Variants in SGCZ observed in about 807,000 individuals in gnomAD.
SGCZ encodes zeta-sarcoglycan.
In SGCZ, 40 loss-of-function variants were observed where a neutral mutation model predicts 41.3. That is an observed-to-expected ratio of 0.97 (90% CI 0.75 to 1.26). SGCZ has a LOEUF of 1.26. Ranked by LOEUF, SGCZ falls within the 50% of genes most tolerant of loss-of-function variation. The pLI, the probability that SGCZ is intolerant of heterozygous loss-of-function variation, is 0.00. For missense variants in SGCZ, 552 were observed against 369.8 expected (o/e 1.49, Z -4.04); for synonymous variants, 206 against 137.5 (o/e 1.50, Z -3.49).
intron 1 of SGCZ, among the ~76,000 whole-genome samples, chr8:15,117,868 A>C (rs951302935): frequency 6.6e-6 from 1 of 152,170 alleles, no homozygotes; most frequent in Non-Finnish European, 1.5e-5. Flanking sequence ...CAAATGCAAA[A>C]ACTCAATATA....
At chr8:15,087,758 A>C (rs1363774492) in intron 1 of SGCZ, among the ~76,000 whole-genome samples, 1 of 152,162 alleles carries the variant, frequency 6.6e-6, no homozygotes, top group Non-Finnish European at 1.5e-5. Context: ...GTAAAGCTTC[A>C]AAGAATGAAA....
intron 1 of SGCZ, among the ~76,000 whole-genome samples, chr8:14,997,203 A>T (rs761643574): frequency 2.6e-5 from 4 of 152,214 alleles, no homozygotes; most frequent in African/African-American, 7.2e-5. Flanking sequence ...TTATATTTAC[A>T]TAATTAATAG....
At chr8:14,356,740 G>A (rs900540491) in intron 2 of SGCZ, among the ~76,000 whole-genome samples, 41 of 152,054 alleles carry the variant, frequency 2.7e-4, no homozygotes, top group African/African-American at 8.9e-4. Flanking sequence ...TTTTAATATT[G>A]TCTTTTCAAT....
At chr8:15,157,839 C>A (rs1799378751) in intron 1 of SGCZ, among the ~76,000 whole-genome samples, 1 of 152,124 alleles carries the variant, frequency 6.6e-6, no homozygotes, top group Non-Finnish European at 1.5e-5. Flanking sequence ...TTTCTAAAAA[C>A]AAATGTAAAA....
intron 1 of SGCZ, among the ~76,000 whole-genome samples, chr8:14,997,904 G>C (rs1043558434): frequency 1.3e-5 from 2 of 152,064 alleles, no homozygotes; most frequent in African/African-American, 4.8e-5. Context: ...AGGTTGCAGT[G>C]AGCCGAGATG....
chr8:14,597,048 T>A (rs1805435680), intron 1 of SGCZ, among the ~76,000 whole-genome samples: 1 of 152,160 alleles, frequency 6.6e-6, no homozygotes, highest in East Asian at 1.9e-4. Flanking sequence ...CTGAGGTAGT[T>A]TAGTAGGCAG....
intron 2 of SGCZ, among the ~76,000 whole-genome samples, chr8:14,366,973 T>A (rs945766714): frequency 6.6e-6 from 1 of 152,176 alleles, no homozygotes; most frequent in African/African-American, 2.4e-5. Flanking sequence ...TATGCAAATT[T>A]CCACAGAGGG....
intron 1 of SGCZ, among the ~76,000 whole-genome samples, chr8:15,145,042 C>T (rs555209441): frequency 1.3e-5 from 2 of 152,286 alleles, no homozygotes; most frequent in Non-Finnish European, 2.9e-5. Context: ...CGAGTACTTA[C>T]AGATTTCTTT....
intron 2 of SGCZ, among the ~76,000 whole-genome samples, chr8:14,532,802 G>A (rs1056411207): frequency 1.3e-5 from 2 of 151,506 alleles, no homozygotes; most frequent in African/African-American, 2.4e-5. Context: ...CTACAAAAAC[G>A]TAAAGAAAGT....
At chr8:15,094,852 T>A (rs1266254609) in intron 1 of SGCZ, among the ~76,000 whole-genome samples, 1 of 152,116 alleles carries the variant, frequency 6.6e-6, no homozygotes, top group Non-Finnish European at 1.5e-5. Context: ...TGTCAAGAGG[T>A]ACCTTCTGTC....
intron 4 of SGCZ, among the ~76,000 whole-genome samples, chr8:14,192,955 T>A (rs537414643): frequency 1.3e-5 from 2 of 151,824 alleles, no homozygotes; most frequent in East Asian, 3.8e-4. Flanking sequence ...TATGATTAAA[T>A]CTTTTTAAAG....
chr8:14,840,648 T>G (rs186701945), intron 1 of SGCZ, among the ~76,000 whole-genome samples: 2 of 152,218 alleles, frequency 1.3e-5, no homozygotes, highest in Admixed American at 1.3e-4. Context: ...CTATCTTAAC[T>G]TAGAAGTAGA....
intron 1 of SGCZ, among the ~76,000 whole-genome samples, chr8:15,037,569 G>A (rs1306692510): frequency 6.6e-6 from 1 of 152,136 alleles, no homozygotes; most frequent in East Asian, 1.9e-4. Flanking sequence ...TACATAAAGA[G>A]AGAATGTCCA....
At chr8:14,428,260 ATATAT>A (rs1167841204) in intron 2 of SGCZ, among the ~76,000 whole-genome samples, 1 of 152,000 alleles carries the variant, frequency 6.6e-6, no homozygotes, top group South Asian at 2.1e-4. Flanking sequence ...TGTAGGGTAA[ATATAT>A]TAATATAATA....
chr8:14,090,695 C>G, intron 7 of SGCZ, 58 bp from the exon 8 acceptor site: 1 of 1,426,762 alleles, frequency 7.0e-7, no homozygotes, highest in Non-Finnish European at 9.6e-7. Flanking sequence ...ATCGAGTAAT[C>G]TACATCCCTC....
At chr8:14,848,507 A>T (rs536733089) in intron 1 of SGCZ, among the ~76,000 whole-genome samples, 68 of 152,338 alleles carry the variant, frequency 4.5e-4, no homozygotes, top group African/African-American at 1.6e-3. Flanking sequence ...AATAATAGAC[A>T]TATTGATCAA....
chr8:14,323,868 G>A (rs932182621), intron 3 of SGCZ, among the ~76,000 whole-genome samples: 3 of 152,012 alleles, frequency 2.0e-5, no homozygotes, highest in African/African-American at 7.2e-5. Context: ...ACATTTTATA[G>A]AGTAGAAAAG....
chr8:15,152,486 A>C (rs1207787926), intron 1 of SGCZ, among the ~76,000 whole-genome samples: 4 of 152,188 alleles, frequency 2.6e-5, no homozygotes, highest in Non-Finnish European at 4.4e-5. Context: ...CTACTGAGTA[A>C]AAGCAGGTCC....
chr8:14,760,554 G>A (rs1390528378), intron 1 of SGCZ, among the ~76,000 whole-genome samples: 1 of 152,060 alleles, frequency 6.6e-6, no homozygotes, highest in East Asian at 1.9e-4. Context: ...GTAAAATACG[G>A]CATGTAACCC....
Sources: allele counts gnomAD v4.1 joint callset (sites outside exome capture counted in the v4.1 genomes callset), GRCh38; gene constraint gnomAD v4.1.1; transcripts MANE v1.5; gene names NCBI Gene and HGNC (gene_info 2026-07-23, HGNC 2026-07-21).